MCM7: variants seen among roughly 807,000 people sequenced by gnomAD.
MCM7 encodes the protein DNA replication licensing factor MCM7.
Under a neutral mutation model 83.5 loss-of-function variants are expected in MCM7, and 95 were observed. The ratio of observed to expected loss-of-function variants is 1.14; its 90% CI spans 0.96 to 1.35. MCM7 has a LOEUF of 1.35. MCM7 is among the 40% of genes most tolerant of loss of function. MCM7 has a pLI of 0.00. For synonymous variants in MCM7, 461 were observed against 352.7 expected (o/e 1.31, Z -3.44); for missense variants, 1,087 against 957.4 (o/e 1.14, Z -1.79).
intron 9 of MCM7, 68 bp downstream of exon 9, chr7:100,097,546 C>T (rs543939987): frequency 1.2e-6 from 2 of 1,608,080 alleles, no homozygotes; most frequent in African/African-American, 1.3e-5. Context: ...CCTACAGGGA[C>T]ACTTGTCATC....
chr7:100,094,748 T>TA (rs768391343), intron 12 of MCM7, among the ~76,000 whole-genome samples: 4 of 152,120 alleles, frequency 2.6e-5, no homozygotes, highest in Admixed American at 2.6e-4. Flanking sequence ...AAAATAGCGA[T>TA]AGAGATTATC....
At chr7:100,100,266 G>T in intron 1 of MCM7, 173 bp from the exon 2 acceptor site, 1 of 1,386,250 alleles carries the variant, frequency 7.2e-7, no homozygotes, top group Non-Finnish European at 9.3e-7. Context: ...TTTCTAACCA[G>T]CGAAGAATAA....
At chr7:100,096,567 G>C (rs1795645684) in intron 10 of MCM7, among the ~76,000 whole-genome samples, 3 of 152,204 alleles carry the variant, frequency 2.0e-5, no homozygotes, top group African/African-American at 7.2e-5. Context: ...CACGAGGTCA[G>C]GAGTTCGAGA....
Position 100,100,661 on chromosome 7 carries a change from C to T in MCM7, c.32-568G>A, listed in dbSNP as rs994628185. 4 of 990,468 alleles carry T rather than the reference C, an allele frequency of 4.0e-6. No individual in the cohort carries two copies. The African/African-American group carries it at 7.0e-5, about 17-fold the overall frequency. The allele number at this position is 990,468 out of a possible 1,614,324, so 61.4% of individuals were successfully genotyped here. ...GCGATCCCAGCCCACTGCCGCCTTT[C>T]CCGGGCCCGAGCGAAGCTCCGGATC... On this transcript the variant is annotated intron_variant, in intron 1 of 14. Transcript: ENST00000303887.
At chr7:100,098,442 C>A (rs1795760256) in intron 6 of MCM7, 136 bp downstream of exon 6, 1 of 1,496,964 alleles carries the variant, frequency 6.7e-7, no homozygotes, top group African/African-American at 1.4e-5. Flanking sequence ...TCCCAAGGCT[C>A]CCAGGAAATT....
intron 11 of MCM7, 62 bp from the exon 12 acceptor site, chr7:100,095,532 G>A (rs1795580608): frequency 6.6e-7 from 1 of 1,513,738 alleles, no homozygotes; most frequent in East Asian, 2.3e-5. Context: ...TGTCCTCTTA[G>A]GTGTCCCTCC....
chr7:100,098,503 G>A (rs1795762974), intron 6 of MCM7, 75 bp downstream of exon 6: 10 of 1,588,934 alleles, frequency 6.3e-6, no homozygotes, highest in Middle Eastern at 1.7e-4. Context: ...CTTTCTTCCT[G>A]CCATTCCACA....
intron 5 of MCM7, 101 bp from the exon 6 acceptor site, chr7:100,098,816 T>G (rs190222577): frequency 1.9e-4 from 284 of 1,503,940 alleles, no homozygotes; most frequent in Non-Finnish European, 2.3e-4. Flanking sequence ...AGACATCTTG[T>G]AAGTGTCAAG....
chr7:100,097,446 C>G (rs994396036), intron 9 of MCM7, 62 bp from the exon 10 acceptor site: 3 of 1,593,250 alleles, frequency 1.9e-6, no homozygotes, highest in African/African-American at 2.7e-5. Flanking sequence ...AACAACAGAG[C>G]AATTTTGAGT....
rs757479470 is a variant in MCM7, at chr7:100,094,300, G to A, written c.1721C>T (p.Pro574Leu). The A allele has an allele frequency of 3.1e-6, 5 of 1,614,194 alleles. No individual in the cohort carries two copies. The highest frequency in any genetic ancestry group is 4.2e-6 in the Non-Finnish European group (5 of 1,180,042). Residue 574 changes from proline (P) to leucine (L), a missense_variant, in exon 13 of 15, where the codon CCA becomes CTA. Physicochemically the swap from Pro to Leu is moderately conservative, Grantham distance 98. Coordinates refer to ENST00000303887, the MANE Select transcript of MCM7 (RefSeq NM_005916.5). Reference protein sequence around the residue: ...AMCREKQPMVPESLADYITAA... With the variant: ...AMCREKQPMVLESLADYITAA... ...TGTGATGTAGTCAGCCAGAGACTCT[G>A]GCACCATGGGCTGCTTCTCGCGGCA... is the stretch of plus-strand genomic sequence containing the variant.
At chr7:100,095,721 C>G in intron 11 of MCM7, 53 bp downstream of exon 11, 1 of 1,525,526 alleles carries the variant, frequency 6.6e-7, no homozygotes, top group Non-Finnish European at 8.8e-7. Flanking sequence ...CTCTCCTCCT[C>G]CCTACACAGA....
At chr7:100,095,632 T>C (rs552011799) in intron 11 of MCM7, 142 bp downstream of exon 11, 112 of 1,348,012 alleles carry the variant, frequency 8.3e-5, no homozygotes, top group Middle Eastern at 2.6e-4. Context: ...ACCATTTCCC[T>C]GAGAACCATG....
chr7:100,097,485 T>A, intron 9 of MCM7, 101 bp from the exon 10 acceptor site: 1 of 1,573,624 alleles, frequency 6.4e-7, no homozygotes. Flanking sequence ...CCAGCACTAT[T>A]TCTAAGCCCT....
At chr7:100,093,972 C>T (rs1167230202) in intron 13 of MCM7, 2 of 767,798 alleles carry the variant, frequency 2.6e-6, no homozygotes, top group East Asian at 2.6e-5. Flanking sequence ...AGGCCTTTCC[C>T]TCCACGGACG....
Position 100,092,766 on chromosome 7 carries a change from C to T in MCM7, c.*166G>A, listed in dbSNP as rs1013330162. 2 of 706,978 alleles carry T rather than the reference C, an allele frequency of 2.8e-6. No individual in the cohort carries two copies. The highest frequency in any genetic ancestry group is 3.6e-5 in the African/African-American group (2 of 55,710). 43.8% of individuals were successfully genotyped at this position (706,978 alleles called of 1,614,324 possible). On this transcript the variant is annotated 3_prime_UTR_variant, in exon 15 of 15. Transcript: ENST00000303887. ...AAACCCTGTTTTAATGGAAGTCAGG[C>T]CCAGGCTAGAAGATGACAATCTACA...
In MCM7 at chr7:100,099,856, G is replaced by A. The variant is rs954733845; in HGVS notation, c.112-103C>T. ...ACTGAGAACTCAGCACAGGCTCTGG[G>A]CATCCACAGGGGAGAACGCAGCGCC... On this transcript the variant is annotated intron_variant, in intron 2 of 14. Coordinates refer to ENST00000303887, the MANE Select transcript of MCM7 (RefSeq NM_005916.5). The A allele has an allele frequency of 2.7e-5, 40 of 1,503,096 alleles. No homozygotes were observed. The Admixed American group carries it at 6.3e-4, about 24-fold the overall frequency. The allele number at this position is 1,503,096 out of a possible 1,614,324, so 93.1% of individuals were successfully genotyped here. A position where few individuals can be genotyped will look rare whatever the true frequency, so the allele number is the denominator to read the frequency against.
intron 9 of MCM7, 26 bp downstream of exon 9, chr7:100,097,588 T>G (rs1003932611): frequency 9.9e-6 from 16 of 1,612,632 alleles, no homozygotes; most frequent in Non-Finnish European, 1.1e-5. Context: ...TCATCCACCC[T>G]GAGCCTCTCC....
chr7:100,097,759 A>G lies in MCM7; in HGVS notation c.986-14T>C. Reference sequence around the variant, plus strand: ...AGAAATCCTCCTCTGTAGAGAAGTTAAGGTTGTTTTATTTTCTGGGGGAAA... The same window carrying G: ...AGAAATCCTCCTCTGTAGAGAAGTTGAGGTTGTTTTATTTTCTGGGGGAAA... On this transcript the variant is annotated splice_polypyrimidine_tract_variant and intron_variant, in intron 8 of 14. Transcript: ENST00000303887. The G allele has an allele frequency of 6.2e-7, 1 of 1,613,234 alleles. No individual in the cohort carries two copies. The highest frequency in any genetic ancestry group is 8.5e-7 in the Non-Finnish European group (1 of 1,179,990).
chr7:100,098,293 A>G lies in MCM7; in HGVS notation c.721-3T>C. On this transcript the variant is annotated splice_region_variant and splice_polypyrimidine_tract_variant and intron_variant, in intron 6 of 14. Coordinates refer to ENST00000303887, the MANE Select transcript of MCM7 (RefSeq NM_005916.5). The stretch of plus-strand genomic sequence containing the variant: ...TTTCCCACAGGCACCTGATCACTCT[A>G]GGGGAGGGAAAGGCACATAAGACTA... The G allele has an allele frequency of 6.2e-7, 1 of 1,613,892 alleles. No homozygotes were observed.
Sources: allele counts gnomAD v4.1 joint callset (sites outside exome capture counted in the v4.1 genomes callset), GRCh38; gene constraint gnomAD v4.1.1; transcripts MANE v1.5; gene names NCBI Gene and HGNC (gene_info 2026-07-23, HGNC 2026-07-21).